Variants in TGFBR3 observed in about 807,000 individuals in gnomAD.
TGFBR3 encodes the protein transforming growth factor beta receptor 3.
TGFBR3 carries 46 observed loss-of-function variants against 87.9 expected under a neutral mutation model. That is an observed-to-expected ratio of 0.52 (90% confidence interval 0.41 to 0.67). The LOEUF is 0.67. TGFBR3 is among the 30% of genes least tolerant of loss of function. TGFBR3 has a pLI of 0.00. For missense variants in TGFBR3, 866 were observed against 1,041.9 expected (o/e 0.83, Z 2.32); for synonymous variants, 381 against 391.6 (o/e 0.97, Z 0.32).
chr1:91,711,727 A>C (rs886809745), intron 13 of TGFBR3, among the ~76,000 whole-genome samples: 1 of 152,212 alleles, frequency 6.6e-6, no homozygotes, highest in African/African-American at 2.4e-5. Flanking sequence ...TAGAACATTC[A>C]ATCTGGAGAG....
intron 2 of TGFBR3, among the ~76,000 whole-genome samples, chr1:91,802,147 G>A (rs1334351520): frequency 6.6e-6 from 1 of 152,066 alleles, no homozygotes; most frequent in Non-Finnish European, 1.5e-5. Flanking sequence ...GAGGCAGTGT[G>A]ATTGTATGAA....
chr1:91,798,276 G>A (rs1675465270), intron 2 of TGFBR3, among the ~76,000 whole-genome samples: 1 of 152,130 alleles, frequency 6.6e-6, no homozygotes, highest in African/African-American at 2.4e-5. Flanking sequence ...TCAATGTTAC[G>A]GGTGTTCCCA....
chr1:91,720,309 G>A (rs1672321594), intron 8 of TGFBR3, 79 bp from the exon 9 acceptor site: 3 of 1,359,618 alleles, frequency 2.2e-6, no homozygotes, highest in Non-Finnish European at 3.1e-6. Flanking sequence ...AGAACAGGAG[G>A]AATTAGCATA....
chr1:91,768,999 TG>T (rs887026725), intron 3 of TGFBR3, among the ~76,000 whole-genome samples: 1 of 152,150 alleles, frequency 6.6e-6, no homozygotes, highest in African/African-American at 2.4e-5. Context: ...TTTGACCTGG[TG>T]GTTAAGAACA....
At chr1:91,819,433 A>G (rs1325404525) in intron 2 of TGFBR3, among the ~76,000 whole-genome samples, 2 of 152,120 alleles carry the variant, frequency 1.3e-5, no homozygotes, top group Non-Finnish European at 2.9e-5. Context: ...CACTCCTCAA[A>G]GAGCTAGGGA....
chr1:91,880,933 T>C (rs1307060286), intron 1 of TGFBR3, among the ~76,000 whole-genome samples: 1 of 150,494 alleles, frequency 6.6e-6, no homozygotes, highest in African/African-American at 2.4e-5. Flanking sequence ...ATATTTTATA[T>C]GAATAAGTAT....
chr1:91,696,714 A>G (rs949390744), intron 15 of TGFBR3, among the ~76,000 whole-genome samples: 11 of 152,224 alleles, frequency 7.2e-5, no homozygotes, highest in African/African-American at 2.4e-4. Flanking sequence ...AGTGGGAAAT[A>G]CAGGATCTCC....
At chr1:91,824,186 C>T (rs1022153669) in intron 2 of TGFBR3, among the ~76,000 whole-genome samples, 4 of 152,006 alleles carry the variant, frequency 2.6e-5, no homozygotes, top group African/African-American at 4.8e-5. Context: ...AATTATACTT[C>T]GATATAAAGT....
chr1:91,864,713 A>G (rs1678322598), intron 1 of TGFBR3, among the ~76,000 whole-genome samples: 1 of 152,230 alleles, frequency 6.6e-6, no homozygotes, highest in Admixed American at 6.5e-5. Context: ...CACCCGACTT[A>G]GGAATCAGTT....
At position 91,861,499 on chromosome 1, in the gene TGFBR3, G is replaced by A. The variant is rs1402262834; in HGVS notation, c.33C>T (p.Ala11=). The A allele has an allele frequency of 6.2e-7, 1 of 1,613,744 alleles. No homozygotes were observed. Among genetic ancestry groups the A allele is most frequent in the African/African-American group, 1.3e-5 (1 of 74,992 alleles). Residue 11 remains alanine, a synonymous_variant, in exon 2 of 17, where the codon GCC becomes GCT. Transcript: ENST00000212355. MTSHYVIAIF[A]LMSSCLATAG... The stretch of plus-strand genomic sequence containing the variant: ...CAGTGGCTAAACAGGAGCTCATCAG[G>A]GCAAAGATGGCAATCACATAATGGG...
At chr1:91,704,052 G>T (rs1396516578) in intron 14 of TGFBR3, among the ~76,000 whole-genome samples, 1 of 152,192 alleles carries the variant, frequency 6.6e-6, no homozygotes, top group Non-Finnish European at 1.5e-5. Flanking sequence ...AGAGGGCCAG[G>T]TGCAGTGGCT....
intron 3 of TGFBR3, among the ~76,000 whole-genome samples, chr1:91,765,052 A>AT (rs1194211985): frequency 2.6e-5 from 4 of 151,256 alleles, no homozygotes; most frequent in Admixed American, 6.6e-5. Context: ...TTCTTTTGCA[A>AT]TTTTTTTTTC....
rs142076841 is a variant in TGFBR3 at position 91,856,101 on chromosome 1, C to T, written c.61+5370G>A. Among the ~76,000 whole-genome samples, 1,031 of 152,106 alleles carry T rather than the reference C, an allele frequency of 6.8e-3. 10 individuals are homozygous for T. The highest frequency in any genetic ancestry group is 0.023 in the African/African-American group (975 of 41,508). ...TTTTTGAGACGGAGTTTGGCTCTGT[C>T]GCCCAGGCTGGAGTGCAGTGGCGCG... On this transcript the variant is annotated intron_variant, in intron 2 of 16. Coordinates refer to ENST00000212355, the MANE Select transcript of TGFBR3 (RefSeq NM_003243.5).
chr1:91,784,172 T>C (rs1231163072), intron 3 of TGFBR3, among the ~76,000 whole-genome samples: 1 of 152,088 alleles, frequency 6.6e-6, no homozygotes, highest in Non-Finnish European at 1.5e-5. Flanking sequence ...AAAAATAAGA[T>C]TAATTAAAAG....
chr1:91,822,064 C>G (rs1016984889), intron 2 of TGFBR3, among the ~76,000 whole-genome samples: 4 of 151,944 alleles, frequency 2.6e-5, no homozygotes. Flanking sequence ...ACCAAAGAGA[C>G]CAGACAAATG....
At chr1:91,778,160 A>T (rs1255291768) in intron 3 of TGFBR3, among the ~76,000 whole-genome samples, 1 of 111,122 alleles carries the variant, frequency 9.0e-6, no homozygotes, top group East Asian at 2.1e-4. Context: ...AATCTAGGTT[A>T]AAAAAAAAAA....
chr1:91,744,087 T>TG (rs1491294931), intron 4 of TGFBR3, among the ~76,000 whole-genome samples: 37 of 1,910 alleles, frequency 0.019, no homozygotes, highest in Middle Eastern at 0.19. Context: ...TTTTACTTAC[T>TG]TTTTTTTTTT....
chr1:91,848,404 C>T (rs978152470), intron 2 of TGFBR3, among the ~76,000 whole-genome samples: 2 of 152,126 alleles, frequency 1.3e-5, no homozygotes, highest in African/African-American at 4.8e-5. Flanking sequence ...AAAGCACTGG[C>T]CTAATATTTG....
At chr1:91,753,655 C>T (rs1673636126) in intron 4 of TGFBR3, among the ~76,000 whole-genome samples, 1 of 152,164 alleles carries the variant, frequency 6.6e-6, no homozygotes, top group Admixed American at 6.5e-5. Context: ...CTTTCTGTTT[C>T]TATAGATTTG....
Sources: gnomAD v4.1 joint callset for allele counts (sites outside exome capture counted in the v4.1 genomes callset) on GRCh38, gnomAD v4.1.1 for gene constraint, MANE v1.5 for transcripts, NCBI Gene and HGNC (gene_info 2026-07-23, HGNC 2026-07-21) for gene names.